KDM2A: variants seen among roughly 807,000 people sequenced by gnomAD.
KDM2A encodes the protein lysine-specific demethylase 2A.
In KDM2A, 3 loss-of-function variants were observed where a neutral mutation model predicts 137.3. The observed-to-expected ratio is 0.02, with a 90% CI of 0.01 to 0.06. The LOEUF (loss-of-function observed/expected upper bound fraction) is 0.06. KDM2A is among the 10% of genes least tolerant of loss of function. The pLI is 1.00. For missense variants in KDM2A, 738 were observed against 1,510.6 expected (o/e 0.49, Z 8.48); for synonymous variants, 512 against 541.5 (o/e 0.95, Z 0.76).
At chr11:67,159,250 G>T (rs1281704363) in intron 2 of KDM2A, among the ~76,000 whole-genome samples, 1 of 152,144 alleles carries the variant, frequency 6.6e-6, no homozygotes, top group Non-Finnish European at 1.5e-5. Context: ...ATGTTCAGTT[G>T]TTGCAGCACC....
At chr11:67,180,007 G>A in intron 2 of KDM2A, 72 bp from the exon 3 acceptor site, 1 of 1,480,314 alleles carries the variant, frequency 6.8e-7, no homozygotes, top group Admixed American at 2.1e-5. Flanking sequence ...CACATGTAGG[G>A]AAATCTATGA....
chr11:67,210,881 C>T (rs1405707966), intron 6 of KDM2A, among the ~76,000 whole-genome samples: 3 of 152,142 alleles, frequency 2.0e-5, no homozygotes, highest in South Asian at 4.1e-4. Context: ...GTTGCTCACA[C>T]CTCTAATCCC....
chr11:67,143,444 TA>T (rs1856169282), intron 2 of KDM2A: 1 of 152,030 alleles, frequency 6.6e-6, no homozygotes, highest in African/African-American at 2.4e-5. Flanking sequence ...CCGTAAAACA[TA>T]AATTTATATG....
chr11:67,214,022 C>T (rs1858077409), intron 6 of KDM2A, among the ~76,000 whole-genome samples: 1 of 151,834 alleles, frequency 6.6e-6, no homozygotes, highest in South Asian at 2.1e-4. Context: ...GCCACAACGC[C>T]TGGCTGTTTT....
intron 2 of KDM2A, among the ~76,000 whole-genome samples, chr11:67,128,619 A>G (rs976970956): frequency 6.6e-6 from 1 of 152,156 alleles, no homozygotes; most frequent in Non-Finnish European, 1.5e-5. Flanking sequence ...ATTCTTATAC[A>G]TCAGTCTTCC....
At chr11:67,248,510 T>C (rs1859316599) in intron 16 of KDM2A, 140 bp downstream of exon 16, 1 of 601,152 alleles carries the variant, frequency 1.7e-6, no homozygotes, top group East Asian at 3.0e-5. Context: ...TGGTATGTTT[T>C]TCCTTTGGTT....
chr11:67,175,433 GA>G (rs894354331), intron 2 of KDM2A, among the ~76,000 whole-genome samples: 1 of 152,066 alleles, frequency 6.6e-6, no homozygotes, highest in Non-Finnish European at 1.5e-5. Context: ...CTCTGTCTCC[GA>G]AAAAAACCAG....
At chr11:67,239,555 A>G (rs1213572020) in intron 12 of KDM2A, among the ~76,000 whole-genome samples, 1 of 152,160 alleles carries the variant, frequency 6.6e-6, no homozygotes, top group African/African-American at 2.4e-5. Context: ...CGGAGAGAGA[A>G]GATAACTCAA....
At chr11:67,149,664 A>G (rs1856338946) in intron 2 of KDM2A, among the ~76,000 whole-genome samples, 1 of 151,784 alleles carries the variant, frequency 6.6e-6, no homozygotes, top group Non-Finnish European at 1.5e-5. Context: ...TTTATAGATG[A>G]AGAATAGAAA....
chr11:67,144,485 C>T (rs1856197578), intron 2 of KDM2A, among the ~76,000 whole-genome samples: 1 of 151,990 alleles, frequency 6.6e-6, no homozygotes, highest in African/African-American at 2.4e-5. Flanking sequence ...CTCCTGACCT[C>T]AGGTGATCCA....
chr11:67,209,887 C>T (rs1857925813), intron 6 of KDM2A, among the ~76,000 whole-genome samples: 1 of 152,056 alleles, frequency 6.6e-6, no homozygotes, highest in Admixed American at 6.6e-5. Context: ...ATAGCAAGAC[C>T]TCATCTCTAC....
At chr11:67,135,554 A>T (rs1855954351) in intron 2 of KDM2A, among the ~76,000 whole-genome samples, 1 of 152,222 alleles carries the variant, frequency 6.6e-6, no homozygotes. Flanking sequence ...TGGATCACAG[A>T]CGTTAGCAAC....
At position 67,197,664 on chromosome 11, in the gene KDM2A, T is replaced by G. The variant is rs77608813; in HGVS notation, c.308-9846T>G. On this transcript the variant is annotated intron_variant, in intron 5 of 20. Transcript: ENST00000529006. Reference sequence around the variant, plus strand: ...GTAAGCCATTCTGTCTTGTAAACTTTCTGTGATAGGATGTATTTGGTTGAG... The same window carrying G: ...GTAAGCCATTCTGTCTTGTAAACTTGCTGTGATAGGATGTATTTGGTTGAG... 5.1e-4 allele frequency among the ~76,000 whole-genome samples: 77 copies of G among 152,348 alleles called. No homozygotes were observed. In the East Asian group the frequency reaches 0.015, roughly 29 times the overall value.
chr11:67,250,569 C>T lies in KDM2A; in HGVS notation c.2539C>T (p.Arg847Cys), dbSNP rs779631862. 1.9e-5 allele frequency: 30 copies of T among 1,613,476 alleles called. No individual in the cohort carries two copies. Among genetic ancestry groups the T allele is most frequent in the Admixed American group, 1.5e-4 (9 of 59,952 alleles). Residue 847 changes from arginine to cysteine, a missense_variant, in exon 17 of 21, where the codon CGT becomes TGT. Arg to Cys is a radical substitution (Grantham distance 180). Transcript: ENST00000529006. The surrounding 1 kb of genome is among the most constrained non-coding windows in gnomAD (Gnocchi z 7.1). ...VQHCPARTPQ[R>C]GDEEGLGGEE... is the part of the protein sequence containing the mutation. Reference sequence around the variant, plus strand: ...GCACTGCCCAGCCCGAACCCCCCAGCGTGGGGATGAGGAGGGGCTGGGGGG... The same window carrying T: ...GCACTGCCCAGCCCGAACCCCCCAGTGTGGGGATGAGGAGGGGCTGGGGGG...
intron 16 of KDM2A, 144 bp from the exon 17 acceptor site, chr11:67,249,942 G>A (rs1028388716): frequency 1.5e-6 from 1 of 674,940 alleles, no homozygotes; most frequent in Non-Finnish European, 2.4e-6. Context: ...GACCAGCCTG[G>A]GCCGACTCTG....
chr11:67,130,368 C>T (rs1367824874), intron 2 of KDM2A, among the ~76,000 whole-genome samples: 1 of 152,132 alleles, frequency 6.6e-6, no homozygotes, highest in African/African-American at 2.4e-5. Flanking sequence ...TGGTCTCAAA[C>T]TCCTCACCTC....
At chr11:67,227,280 C>T (rs1371840644) in intron 10 of KDM2A, among the ~76,000 whole-genome samples, 5 of 152,132 alleles carry the variant, frequency 3.3e-5, no homozygotes, top group Admixed American at 6.5e-5. Flanking sequence ...AGACTAGACA[C>T]GGTCTGAGAG....
intron 5 of KDM2A, among the ~76,000 whole-genome samples, chr11:67,202,609 A>G (rs2136372000): frequency 6.6e-6 from 1 of 151,036 alleles, no homozygotes; most frequent in South Asian, 2.1e-4. Flanking sequence ...CGTCTCTACT[A>G]AAAATACAAA....
At chr11:67,183,095 T>C (rs548181779) in intron 5 of KDM2A, among the ~76,000 whole-genome samples, 8 of 152,242 alleles carry the variant, frequency 5.3e-5, no homozygotes, top group Non-Finnish European at 1.2e-4. Context: ...ATCTCTGTTT[T>C]ATTCATCCCC....
Sources: gnomAD v4.1 joint callset for allele counts (sites outside exome capture counted in the v4.1 genomes callset) on GRCh38, gnomAD v4.1.1 for gene constraint, Gnocchi (gnomAD v3.1) non-coding constraint, MANE v1.5 for transcripts, NCBI Gene and HGNC (gene_info 2026-07-23, HGNC 2026-07-21) for gene names.